FRMD6: variants seen among roughly 807,000 people sequenced by gnomAD.
The protein encoded by FRMD6 is FERM domain-containing protein 6.
In FRMD6, 37 loss-of-function variants were observed where a neutral mutation model predicts 73.2. The ratio of observed to expected loss-of-function variants is 0.51; its 90% confidence interval spans 0.39 to 0.66. The LOEUF (loss-of-function observed/expected upper bound fraction) is 0.66, where lower values mean the gene tolerates loss of function less well. Ranked by LOEUF, FRMD6 falls within the 30% of genes least tolerant of loss-of-function variation. The pLI, the probability that FRMD6 is intolerant of heterozygous loss-of-function variation, is 0.00. For synonymous variants in FRMD6, 273 were observed against 282.2 expected (o/e 0.97, Z 0.33); for missense variants, 714 against 780.5 (o/e 0.91, Z 1.02).
intron 1 of FRMD6, among the ~76,000 whole-genome samples, chr14:51,566,008 C>CA (rs1212687317): frequency 6.6e-6 from 1 of 152,004 alleles, no homozygotes; most frequent in African/African-American, 2.4e-5. Context: ...ACTAAAAATA[C>CA]AAAAAAATTA....
At chr14:51,616,333 T>A (rs1890709441) in intron 2 of FRMD6, among the ~76,000 whole-genome samples, 1 of 152,230 alleles carries the variant, frequency 6.6e-6, no homozygotes, top group Non-Finnish European at 1.5e-5. Flanking sequence ...TGTTCTAAGA[T>A]GCAGCCTAGG....
At chr14:51,463,655 G>A in the FRMD6 span, among the ~76,000 whole-genome samples, 1 of 152,224 alleles carries the variant, frequency 6.6e-6, no homozygotes, top group Non-Finnish European at 1.5e-5. Context: ...GTTCCAGTGA[G>A]CACGCTACAT....
the FRMD6 span, among the ~76,000 whole-genome samples, chr14:51,419,119 A>T: frequency 6.6e-6 from 1 of 152,128 alleles, no homozygotes; most frequent in African/African-American, 2.4e-5. Context: ...GAGATCCCCC[A>T]ACTCCTTACG....
intron 1 of FRMD6, among the ~76,000 whole-genome samples, chr14:51,684,780 T>C (rs929618867): frequency 1.3e-5 from 2 of 152,142 alleles, no homozygotes; most frequent in African/African-American, 4.8e-5. Context: ...TAAAAAACCC[T>C]TCAGTAGAAT....
chr14:51,500,530 G>A (rs113498497), intron 1 of FRMD6, among the ~76,000 whole-genome samples: 2,696 of 133,896 alleles, frequency 0.02, 78 homozygotes, highest in African/African-American at 0.081. Flanking sequence ...GACAGAGTGA[G>A]ACTCTGTCTC....
chr14:51,685,252 A>G (rs1895072645), intron 1 of FRMD6, among the ~76,000 whole-genome samples: 3 of 152,200 alleles, frequency 2.0e-5, no homozygotes, highest in African/African-American at 2.4e-5. Flanking sequence ...AGGAAATTAC[A>G]TCTCTTTCTT....
At chr14:51,679,188 A>C (rs1162266139) in intron 1 of FRMD6, among the ~76,000 whole-genome samples, 2 of 152,106 alleles carry the variant, frequency 1.3e-5, no homozygotes, top group Non-Finnish European at 2.9e-5. Context: ...AACATTTAAA[A>C]ATTTAGGTGA....
At chr14:51,531,495 C>A (rs1206043989) in intron 1 of FRMD6, among the ~76,000 whole-genome samples, 1 of 152,076 alleles carries the variant, frequency 6.6e-6, no homozygotes, top group Non-Finnish European at 1.5e-5. Flanking sequence ...CAATTTGGGA[C>A]CCTGATAATC....
At chr14:51,519,956 T>C (rs988374445) in intron 1 of FRMD6, among the ~76,000 whole-genome samples, 9 of 152,204 alleles carry the variant, frequency 5.9e-5, no homozygotes, top group Non-Finnish European at 1.3e-4. Flanking sequence ...TGTTTGTATA[T>C]GGATGTACCC....
chr14:51,480,537 T>C, the FRMD6 span, among the ~76,000 whole-genome samples: 15 of 152,312 alleles, frequency 9.8e-5, no homozygotes, highest in South Asian at 2.1e-3. Context: ...TGGAATCATC[T>C]ATTTGCCTAA....
At chr14:51,450,470 G>A in the FRMD6 span, among the ~76,000 whole-genome samples, 1 of 152,130 alleles carries the variant, frequency 6.6e-6, no homozygotes, top group African/African-American at 2.4e-5. Context: ...ATGCCTAGAA[G>A]CTCTTCCAAA....
At chr14:51,688,750 C>T (rs1356385162) in intron 1 of FRMD6, among the ~76,000 whole-genome samples, 2 of 152,194 alleles carry the variant, frequency 1.3e-5, no homozygotes, top group Non-Finnish European at 2.9e-5. Context: ...ATACTAGACA[C>T]ACCCATTAAA....
the FRMD6 span, among the ~76,000 whole-genome samples, chr14:51,422,829 G>C: frequency 2.0e-5 from 3 of 152,204 alleles, no homozygotes; most frequent in African/African-American, 7.2e-5. Flanking sequence ...GAAGTTGTTA[G>C]TGCTGTTCAC....
At chr14:51,567,665 A>G (rs1378530619) in intron 1 of FRMD6, among the ~76,000 whole-genome samples, 1 of 152,232 alleles carries the variant, frequency 6.6e-6, no homozygotes, top group Non-Finnish European at 1.5e-5. Flanking sequence ...TAGAAATCAT[A>G]TGCATCCTTT....
At chr14:51,662,219 T>A (rs1183200301) in intron 1 of FRMD6, among the ~76,000 whole-genome samples, 1 of 152,188 alleles carries the variant, frequency 6.6e-6, no homozygotes, top group Non-Finnish European at 1.5e-5. Context: ...GATACTATAA[T>A]GGAGTACCAC....
intron 2 of FRMD6, among the ~76,000 whole-genome samples, chr14:51,636,405 C>T (rs1891563707): frequency 6.6e-6 from 1 of 152,156 alleles, no homozygotes; most frequent in African/African-American, 2.4e-5. Context: ...TGGTGGAGAT[C>T]ACTGCCTGAC....
At chr14:51,697,721 TTA>T (rs1322455642) in intron 2 of FRMD6, among the ~76,000 whole-genome samples, 1 of 152,120 alleles carries the variant, frequency 6.6e-6, no homozygotes, top group African/African-American at 2.4e-5. Flanking sequence ...TATCAAAACA[TTA>T]TGTTGTATAC....
chr14:51,405,665 T>A, the FRMD6 span, among the ~76,000 whole-genome samples: 1 of 152,104 alleles, frequency 6.6e-6, no homozygotes. Flanking sequence ...ATGGGGTTAT[T>A]TGTTTTCTCT....
chr14:51,688,862 GAT>G (rs1361812378), intron 1 of FRMD6, among the ~76,000 whole-genome samples: 3 of 152,102 alleles, frequency 2.0e-5, no homozygotes, highest in African/African-American at 7.2e-5. Flanking sequence ...GAAAATTGGA[GAT>G]AAAATTTCTA....
Sources: allele counts gnomAD v4.1 joint callset (sites outside exome capture counted in the v4.1 genomes callset), GRCh38; gene constraint gnomAD v4.1.1; transcripts MANE v1.5; gene names NCBI Gene and HGNC (gene_info 2026-07-23, HGNC 2026-07-21).